ADPGK: variants seen among roughly 807,000 people sequenced by gnomAD.
ADPGK encodes ADP dependent glucokinase.
Under a neutral mutation model 42.4 loss-of-function variants are expected in ADPGK, and 26 were observed. The observed-to-expected ratio is 0.61, with a 90% CI of 0.45 to 0.85. ADPGK has a LOEUF of 0.85. ADPGK is among the 40% of genes least tolerant of loss of function. The pLI is 0.00. For synonymous variants in ADPGK, 267 were observed against 252.6 expected (o/e 1.06, Z -0.54); for missense variants, 571 against 627.0 (o/e 0.91, Z 0.95).
chr15:72,758,271 C>T (rs2066142543), intron 4 of ADPGK: 6 of 783,446 alleles, frequency 7.7e-6, no homozygotes. Flanking sequence ...CCTCTTTCCT[C>T]ACAAAGTGTT....
chr15:72,754,787 A>G (rs1332981016), intron 6 of ADPGK, among the ~76,000 whole-genome samples: 1 of 152,236 alleles, frequency 6.6e-6, no homozygotes, highest in African/African-American at 2.4e-5. Context: ...AAAAAAGAGC[A>G]AAGTGAAGAA....
chr15:72,759,402 A>T (rs1205857437), intron 4 of ADPGK, among the ~76,000 whole-genome samples: 1 of 152,236 alleles, frequency 6.6e-6, no homozygotes, highest in African/African-American at 2.4e-5. Context: ...TGAATTGCCT[A>T]CGTCAACGCT....
chr15:72,755,959 C>A (rs1043617347), intron 5 of ADPGK: 15 of 653,996 alleles, frequency 2.3e-5, no homozygotes, highest in Admixed American at 1.4e-4. Flanking sequence ...ATACAAATAA[C>A]ACAAAGGACA....
intron 3 of ADPGK, among the ~76,000 whole-genome samples, chr15:72,765,156 T>G (rs983532757): frequency 2.0e-5 from 3 of 150,906 alleles, no homozygotes; most frequent in African/African-American, 4.9e-5. Context: ...TTATTTTGAC[T>G]TTTTTTTTGA....
intron 4 of ADPGK, chr15:72,757,808 G>C (rs1403824149): frequency 2.9e-6 from 1 of 346,254 alleles, no homozygotes; most frequent in African/African-American, 2.1e-5. Context: ...CTCAACCCTT[G>C]AATAGTGACA....
At chr15:72,758,430 G>GA (rs1207393233) in intron 4 of ADPGK, 1,287 of 415,618 alleles carry the variant, frequency 3.1e-3, no homozygotes, top group South Asian at 4.2e-3. Context: ...AGAGAATGTG[G>GA]AAAAAAAAAT....
Position 72,752,912 on chromosome 15 carries a change from C to A in ADPGK, c.940-17G>T. ...AAAGACCTGCTAACAAAAACAACAA[C>A]AGGTATCTTTCTGATGGAGATAACC... On this transcript the variant is annotated splice_polypyrimidine_tract_variant and intron_variant, in intron 6 of 6. Transcript: ENST00000456471. 1 of 1,598,202 alleles carries A rather than the reference C, an allele frequency of 6.3e-7. No homozygotes were observed. Among genetic ancestry groups the A allele is most frequent in the Non-Finnish European group, 8.5e-7 (1 of 1,171,592 alleles).
chr15:72,783,526 G>A lies in ADPGK; in HGVS notation c.166C>T (p.Arg56Trp), dbSNP rs933111393. The A allele has an allele frequency of 6.8e-7, 1 of 1,477,920 alleles. No individual in the cohort carries two copies. The highest frequency in any genetic ancestry group is 2.9e-5 in the East Asian group (1 of 34,948). 91.6% of individuals were successfully genotyped at this position (1,477,920 alleles called of 1,614,324 possible). Residue 56 changes from arginine to tryptophan, a missense_variant, in exon 1 of 7, where the codon CGG (arginine) becomes TGG (tryptophan). Coordinates refer to ENST00000456471, the MANE Select transcript of ADPGK (RefSeq NM_001365225.1). Reference protein sequence around the residue: ...APPGPVSPEGRLAAAWDALIV... With the variant: ...APPGPVSPEGWLAAAWDALIV... ...AGCGCGTCCCAGGCTGCCGCCAACC[G>A]GCCCTCGGGGGAGACGGGTCCCGGG...
In ADPGK at chr15:72,752,412, G is replaced by C. The variant is rs752942617; in HGVS notation, c.1423C>G (p.Arg475Gly). 15 of 1,614,068 alleles carry C rather than the reference G, an allele frequency of 9.3e-6. No homozygotes were observed. The highest frequency in any genetic ancestry group is 1.6e-4 in the Middle Eastern group (1 of 6,082). ...ATGGCATCTCCAAGGCCTACAGTTC[G>C]AATGGGGTCTTTACACACCAATACT... is the stretch of plus-strand genomic sequence containing the variant. The part of the protein sequence containing the change: ...TPVLVCKDPI[R>G]TVGLGDAISA... The change falls in exon 7 of 7, where the codon CGA (arginine) becomes GGA (glycine). Residue 475 changes from arginine (R) to glycine (G), a missense_variant. Arg to Gly is a moderately radical substitution (Grantham distance 125). Coordinates refer to ENST00000456471, the MANE Select transcript of ADPGK (RefSeq NM_001365225.1).
chr15:72,756,791 G>A (rs1183176357), intron 4 of ADPGK: 1 of 326,284 alleles, frequency 3.1e-6, no homozygotes, highest in Non-Finnish European at 5.8e-6. Context: ...CCAGCATACA[G>A]TGTGCAGCAC....
At chr15:72,771,689 T>C (rs1002971506) in intron 3 of ADPGK, 94 bp downstream of exon 3, 20 of 1,169,624 alleles carry the variant, frequency 1.7e-5, no homozygotes, top group African/African-American at 6.2e-5. Context: ...AGGTGATCCA[T>C]AAGTTGAATC....
chr15:72,756,105 CA>C (rs776619749), intron 5 of ADPGK, 145 bp downstream of exon 5: 1 of 918,742 alleles, frequency 1.1e-6, no homozygotes, highest in Non-Finnish European at 1.7e-6. Context: ...TGCCTCACTG[CA>C]GCAGGAGGCA....
Position 72,761,436 on chromosome 15 carries a change from T to C in ADPGK, c.523-909A>G, listed in dbSNP as rs570282629. Among the ~76,000 whole-genome samples the C allele has an allele frequency of 2.6e-5, 4 of 152,352 alleles. No homozygotes were observed. The South Asian group carries it at 8.3e-4, about 32-fold the overall frequency. On this transcript the variant is annotated intron_variant, in intron 3 of 6. Coordinates refer to ENST00000456471, the MANE Select transcript of ADPGK (RefSeq NM_001365225.1). ...TAGGACAGCCTTTCCAATATGAGAA[T>C]TAAAGAGCATCCCAACTGAGAGACT...
At chr15:72,756,554 C>T in intron 4 of ADPGK, 107 bp from the exon 5 acceptor site, 3 of 1,260,638 alleles carry the variant, frequency 2.4e-6, no homozygotes, top group Non-Finnish European at 3.3e-6. Flanking sequence ...TCCAAGCAGG[C>T]TGGTTTCTGG....
chr15:72,769,922 T>C (rs1277361103), intron 3 of ADPGK, among the ~76,000 whole-genome samples: 1 of 152,238 alleles, frequency 6.6e-6, no homozygotes, highest in Non-Finnish European at 1.5e-5. Flanking sequence ...AATTGGTTCA[T>C]ACACATTTAA....
intron 1 of ADPGK, among the ~76,000 whole-genome samples, chr15:72,782,343 G>A (rs73430331): frequency 6.6e-6 from 1 of 151,712 alleles, no homozygotes; most frequent in African/African-American, 2.4e-5. Flanking sequence ...GCAAGACCTC[G>A]ACTCTACTAA....
intron 4 of ADPGK, chr15:72,757,935 A>G (rs1436801076): frequency 5.2e-6 from 4 of 762,042 alleles, no homozygotes; most frequent in Non-Finnish European, 8.5e-6. Flanking sequence ...TCTGCAAGGC[A>G]AGGATGAGAA....
chr15:72,767,288 C>CA (rs1302099886), intron 3 of ADPGK, among the ~76,000 whole-genome samples: 1 of 146,476 alleles, frequency 6.8e-6, no homozygotes, highest in Non-Finnish European at 1.5e-5. Context: ...ATACATAAAG[C>CA]AAAAAGTTAC....
rs978345094 is a variant in ADPGK at position 72,752,739 on chromosome 15, G to A, written c.1096C>T (p.His366Tyr). ...SDILFWILKE[H>Y]GRSKSRASDL... ...GAGGCTCTGCTTTTACTCCTCCCAT[G>A]TTCTTTCAAGATCCAGAAGAGGATG... Residue 366 changes from histidine to tyrosine, a missense_variant, in exon 7 of 7, where the codon CAT becomes TAT. Physicochemically the swap from His to Tyr is moderately conservative, Grantham distance 83. Coordinates refer to ENST00000456471, the MANE Select transcript of ADPGK (RefSeq NM_001365225.1). The A allele has an allele frequency of 7.6e-5, 123 of 1,614,090 alleles. No individual in the cohort carries two copies. Among genetic ancestry groups the A allele is most frequent in the Non-Finnish European group, 1.0e-4 (122 of 1,180,056 alleles).
Sources: allele counts gnomAD v4.1 joint callset (sites outside exome capture counted in the v4.1 genomes callset), GRCh38; gene constraint gnomAD v4.1.1; transcripts MANE v1.5; gene names NCBI Gene and HGNC (gene_info 2026-07-23, HGNC 2026-07-21).